The following PDXDC1 variants were observed in gnomAD, a reference collection of about 807,000 sequenced individuals.
PDXDC1 encodes pyridoxal dependent decarboxylase domain containing 1.
A neutral mutation model predicts 100.1 loss-of-function variants in PDXDC1; 42 were observed. The ratio of observed to expected loss-of-function variants is 0.42; its 90% CI spans 0.33 to 0.54. The LOEUF is 0.54. PDXDC1 is among the 20% of genes least tolerant of loss of function. The probability of loss-of-function intolerance (pLI) is 0.10; values close to 1 mark genes in which losing one functional copy is unlikely to be tolerated. For synonymous variants in PDXDC1, 260 were observed against 371.7 expected, an observed-to-expected ratio of 0.70 and a Z score of 3.46; for missense variants, 636 against 979.2, an observed-to-expected ratio of 0.65 and a Z score of 4.68.
At chr16:14,993,848 G>A (rs1464449610) in intron 1 of PDXDC1, among the ~76,000 whole-genome samples, 46 of 152,284 alleles carry the variant, frequency 3.0e-4, no homozygotes, top group Admixed American at 3.0e-3. Context: ...ACTGGTGTGA[G>A]ATGGTATCTC....
rs1858994645 is a variant in PDXDC1 at position 15,031,911 on chromosome 16, A to C, written c.1571+5A>C. 1 of 1,594,448 alleles carries C rather than the reference A, an allele frequency of 6.3e-7. No homozygotes were observed. ...GTCTGGAATAGGGGTTGTCAGGTAAAGTCTTGGCCTGCCGCTTGATGTTGG... is the reference window on the plus strand; with the variant it reads ...GTCTGGAATAGGGGTTGTCAGGTAACGTCTTGGCCTGCCGCTTGATGTTGG... On this transcript the variant is annotated splice_donor_5th_base_variant and intron_variant, in intron 17 of 22. Transcript: ENST00000396410.
At chr16:15,106,283 C>A in intron 16 of PDXDC1, 1 of 1,166,880 alleles carries the variant, frequency 8.6e-7, no homozygotes, top group Non-Finnish European at 1.2e-6. Flanking sequence ...TAGTCCTCTG[C>A]CCGCCGCCGC....
intron 16 of PDXDC1, chr16:15,131,607 G>C: frequency 1.2e-6 from 2 of 1,602,824 alleles, no homozygotes; most frequent in South Asian, 1.1e-5. Context: ...CAGAGGTCAG[G>C]TTGTAGGCCT....
downstream of PDXDC1, chr16:15,038,838 T>C: frequency 1.7e-6 from 1 of 583,066 alleles, no homozygotes; most frequent in Non-Finnish European, 3.0e-6. Flanking sequence ...TGCCAGCTAC[T>C]GAACACGTCC....
chr16:15,031,814 C>T lies in PDXDC1; in HGVS notation c.1479C>T (p.Leu493=). 5.0e-6 allele frequency: 8 copies of T among 1,613,814 alleles called. No homozygotes were observed. Among genetic ancestry groups the T allele is most frequent in the South Asian group, 1.1e-5 (1 of 91,064 alleles). Residue 493 remains leucine, a synonymous_variant, in exon 17 of 23, where the codon CTC becomes CTT. Transcript: ENST00000396410. ...ESKLPVLCCT[L]QLREEFKQEV... Reference sequence around the variant, plus strand: ...AACTGCCAGTGCTGTGCTGTACGCTCCAGTTGCGTGAAGAGTTCAAGCAGG... The same window carrying T: ...AACTGCCAGTGCTGTGCTGTACGCTTCAGTTGCGTGAAGAGTTCAAGCAGG...
intron 16 of PDXDC1, among the ~76,000 whole-genome samples, chr16:15,079,089 C>G (rs922183460): frequency 6.6e-6 from 1 of 152,214 alleles, no homozygotes; most frequent in South Asian, 2.1e-4. Context: ...GGATTACATG[C>G]GTGAGCCACC....
chr16:15,083,073 C>T (rs1299530294), intron 16 of PDXDC1, among the ~76,000 whole-genome samples: 1 of 152,178 alleles, frequency 6.6e-6, no homozygotes. Context: ...TCTTAGACGT[C>T]AGTTTAAAGT....
At chr16:15,040,156 G>C (rs1009255016), downstream of PDXDC1, 36 of 684,898 alleles carry the variant, frequency 5.3e-5, no homozygotes, top group African/African-American at 6.0e-4. Context: ...ACTCCTAAGA[G>C]AAAGATAGGA....
intron 1 of PDXDC1, among the ~76,000 whole-genome samples, chr16:14,980,479 TG>T (rs1967711349): frequency 6.6e-6 from 1 of 152,268 alleles, no homozygotes; most frequent in African/African-American, 2.4e-5. Flanking sequence ...GGCTAATTTT[TG>T]TTTTTTTTAT....
At chr16:15,142,033 AG>A (rs34102976), downstream of PDXDC1, among the ~76,000 whole-genome samples, 1 of 152,190 alleles carries the variant, frequency 6.6e-6, no homozygotes, top group Admixed American at 6.5e-5. Flanking sequence ...GCCCCCTGGA[AG>A]GGACACAGCT....
chr16:15,093,877 G>T, intron 16 of PDXDC1: 1 of 503,438 alleles, frequency 2.0e-6, no homozygotes, highest in South Asian at 2.7e-5. Context: ...GGCGCAGAAG[G>T]CAGTACCCAG....
chr16:15,099,636 T>TA (rs1348132986), intron 16 of PDXDC1, among the ~76,000 whole-genome samples: 1 of 151,552 alleles, frequency 6.6e-6, no homozygotes, highest in African/African-American at 2.4e-5. Context: ...ATAAAGAAAA[T>TA]TAAGACCCTC....
chr16:15,044,223 C>T (rs1423698667), intron 16 of PDXDC1: 8 of 706,594 alleles, frequency 1.1e-5, no homozygotes, highest in Non-Finnish European at 1.8e-5. Context: ...TGTGCTGCTC[C>T]AAGTGGGTGT....
chr16:15,046,625 T>C (rs1418564449), intron 16 of PDXDC1, among the ~76,000 whole-genome samples: 1 of 135,880 alleles, frequency 7.4e-6, no homozygotes, highest in Non-Finnish European at 1.5e-5. Context: ...ACTATACCCC[T>C]CAGCTGGGAG....
chr16:15,004,946 C>T (rs150847661), intron 5 of PDXDC1, among the ~76,000 whole-genome samples: 819 of 152,172 alleles, frequency 5.4e-3, no homozygotes, highest in African/African-American at 0.019. Flanking sequence ...CAGAGGCACC[C>T]ATCTTTTTAA....
chr16:15,133,379 C>T, intron 16 of PDXDC1: 1 of 1,046,906 alleles, frequency 9.6e-7, no homozygotes, highest in Non-Finnish European at 1.4e-6. Flanking sequence ...GACTGTGAGC[C>T]CCATTGCGCT....
chr16:15,018,457 C>T (rs1277948826), intron 11 of PDXDC1, among the ~76,000 whole-genome samples: 2 of 152,284 alleles, frequency 1.3e-5, no homozygotes, highest in African/African-American at 2.4e-5. Flanking sequence ...TATAGGTCAG[C>T]GTGCAAAATA....
At chr16:15,016,541 C>T (rs2041810880) in intron 9 of PDXDC1, among the ~76,000 whole-genome samples, 1 of 152,298 alleles carries the variant, frequency 6.6e-6, no homozygotes, top group South Asian at 2.1e-4. Context: ...GCTGCAGAAA[C>T]TCCAGCCTTC....
At chr16:15,098,600 C>T (rs4012866) in intron 16 of PDXDC1, among the ~76,000 whole-genome samples, 19 of 151,830 alleles carry the variant, frequency 1.3e-4, no homozygotes, top group East Asian at 3.9e-4. Flanking sequence ...CCTTCTTGGC[C>T]GGGCATGGTG....
Sources: allele counts gnomAD v4.1 joint callset (sites outside exome capture counted in the v4.1 genomes callset), GRCh38; gene constraint gnomAD v4.1.1; transcripts MANE v1.5; gene names NCBI Gene and HGNC (gene_info 2026-07-23, HGNC 2026-07-21).